The following FAIM variants were observed in gnomAD, a reference collection of about 807,000 sequenced individuals.
The protein encoded by FAIM is fas apoptotic inhibitory molecule 1.
A neutral mutation model predicts 21.2 loss-of-function variants in FAIM; 14 were observed. That is an observed-to-expected ratio of 0.66 (90% CI 0.44 to 1.03). The LOEUF (loss-of-function observed/expected upper bound fraction) is 1.03, where lower values mean the gene tolerates loss of function less well. Ranked by LOEUF, FAIM falls within the 50% of genes least tolerant of loss-of-function variation. FAIM has a pLI of 0.00. For synonymous variants in FAIM, 86 were observed against 80.4 expected, an observed-to-expected ratio of 1.07 and a Z score of -0.37; for missense variants, 222 against 247.1, an observed-to-expected ratio of 0.90 and a Z score of 0.68.
intron 2 of FAIM, among the ~76,000 whole-genome samples, chr3:138,620,495 CTTTA>C (rs769437103): frequency 1.3e-5 from 2 of 151,988 alleles, no homozygotes; most frequent in Non-Finnish European, 2.9e-5. Context: ...AACCAAAATC[CTTTA>C]TTTATTTCTT....
chr3:138,630,913 A>C (rs2042998308), intron 5 of FAIM: 1 of 152,040 alleles, frequency 6.6e-6, no homozygotes, highest in East Asian at 1.9e-4. Context: ...TGAGGCGGGC[A>C]GATTGCTTGA....
At chr3:138,614,075 C>A (rs762941398) in intron 1 of FAIM, among the ~76,000 whole-genome samples, 12 of 152,132 alleles carry the variant, frequency 7.9e-5, no homozygotes, top group Non-Finnish European at 1.5e-4. Context: ...GAGTTGGCAC[C>A]CTTGTCAAAA....
At chr3:138,609,826 C>G (rs1000271818) in intron 1 of FAIM, among the ~76,000 whole-genome samples, 2 of 152,010 alleles carry the variant, frequency 1.3e-5, no homozygotes, top group African/African-American at 4.8e-5. Context: ...TGAGCGTGAT[C>G]ATTTCTGTAG....
chr3:138,623,037 CA>C (rs371960079), intron 4 of FAIM, among the ~76,000 whole-genome samples: 1,831 of 100,962 alleles, frequency 0.018, 28 homozygotes, highest in African/African-American at 0.053. Flanking sequence ...GACTCCATCT[CA>C]AAAAAAAAAA....
At chr3:138,631,914 G>A (rs1282183543) in intron 5 of FAIM, among the ~76,000 whole-genome samples, 1 of 152,070 alleles carries the variant, frequency 6.6e-6, no homozygotes, top group Non-Finnish European at 1.5e-5. Context: ...TTCTCTCCCT[G>A]AGGCATCCTG....
At position 138,621,733 on chromosome 3, in the gene FAIM, T is replaced by C. The variant is rs538550679; in HGVS notation, c.177+194T>C. Among the ~76,000 whole-genome samples the C allele has an allele frequency of 8.5e-5, 13 of 152,334 alleles. No homozygotes were observed. In the East Asian group the frequency reaches 2.5e-3, roughly 29 times the overall value. On this transcript the variant is annotated intron_variant, in intron 3 of 5. Coordinates refer to ENST00000360570, the MANE Select transcript of FAIM (RefSeq NM_001033031.2). ...TAGCGTGTAATATTTAAACTTAAAA[T>C]GCTTTTATTTTCTAAAACCTTGGCA...
chr3:138,610,835 G>C (rs1302584100), intron 1 of FAIM: 2 of 765,534 alleles, frequency 2.6e-6, no homozygotes, highest in Non-Finnish European at 4.5e-6. Flanking sequence ...CGACCGCCTT[G>C]ACCTCCCAAA....
Position 138,629,153 on chromosome 3 carries a change from A to G in FAIM, c.453A>G (p.Thr151=). The G allele has an allele frequency of 6.2e-7, 1 of 1,610,836 alleles. No individual in the cohort carries two copies. ...GGTGCAATGGTAAAAAATTGGAGACAGCGGTAAGTTGACTATTTGATGACT... is the reference window on the plus strand; with the variant it reads ...GGTGCAATGGTAAAAAATTGGAGACGGCGGTAAGTTGACTATTTGATGACT... ...DVWCNGKKLE[T]AGEFVDDGTE... Residue 151 remains threonine (T), a synonymous_variant, in exon 5 of 6, where the codon ACA becomes ACG. Transcript: ENST00000360570.
rs374839060 is a variant in FAIM at position 138,624,000 on chromosome 3, T to G, written c.406+1584T>G. Among the ~76,000 whole-genome samples, 57 of 152,312 alleles carry G rather than the reference T, an allele frequency of 3.7e-4. No homozygotes were observed. The South Asian group carries it at 0.011, about 30-fold the overall frequency. On this transcript the variant is annotated intron_variant, in intron 4 of 5. Transcript: ENST00000360570. Reference sequence around the variant, plus strand: ...CCAGTAGCTTCTATTCTCCATTGTTTTAAATGAAAAGTTTTGTGCCAATCT... The same window carrying G: ...CCAGTAGCTTCTATTCTCCATTGTTGTAAATGAAAAGTTTTGTGCCAATCT...
chr3:138,621,570 A>G (rs911105004), intron 3 of FAIM, 31 bp downstream of exon 3: 71 of 1,597,474 alleles, frequency 4.4e-5, no homozygotes, highest in Non-Finnish European at 5.9e-5. Flanking sequence ...TTTGTAAAAT[A>G]TGATATATAG....
Position 138,620,645 on chromosome 3 carries a change from G to A in FAIM, c.45-762G>A, listed in dbSNP as rs1473534809. On this transcript the variant is annotated intron_variant, in intron 2 of 5. Coordinates refer to ENST00000360570, the MANE Select transcript of FAIM (RefSeq NM_001033031.2). ...CAAGTAGCTGGGACTCCAGGCATGC[G>A]CCATCACGTGTGACTAATATGTTTG... Among the ~76,000 whole-genome samples, 3 of 152,096 alleles carry A rather than the reference G, an allele frequency of 2.0e-5. No homozygotes were observed. In the East Asian group the frequency reaches 5.8e-4, roughly 30 times the overall value.
At chr3:138,621,384 AT>A in intron 2 of FAIM, 22 bp from the exon 3 acceptor site, 1 of 1,611,358 alleles carries the variant, frequency 6.2e-7, no homozygotes, top group African/African-American at 1.3e-5. Context: ...GCCTACTATA[AT>A]TGCTTTATTT....
chr3:138,613,286 C>T (rs2042790872), intron 1 of FAIM, among the ~76,000 whole-genome samples: 1 of 152,126 alleles, frequency 6.6e-6, no homozygotes, highest in Admixed American at 6.6e-5. Context: ...TCCCAAATTG[C>T]TGGGATTACA....
chr3:138,621,657 C>A, intron 3 of FAIM, 118 bp downstream of exon 3: 2 of 849,882 alleles, frequency 2.4e-6, no homozygotes, highest in Non-Finnish European at 3.6e-6. Flanking sequence ...TGTTTTTGAT[C>A]TGTATCATTT....
intron 1 of FAIM, among the ~76,000 whole-genome samples, chr3:138,614,173 C>G (rs1349668397): frequency 6.6e-6 from 1 of 152,192 alleles, no homozygotes; most frequent in Non-Finnish European, 1.5e-5. Context: ...GGCATGGTGG[C>G]TTATGCCTGT....
chr3:138,610,858 C>A (rs562813162), intron 1 of FAIM: 3 of 945,426 alleles, frequency 3.2e-6, no homozygotes, highest in African/African-American at 3.2e-5. Flanking sequence ...GCTGGGATTA[C>A]GGGGTGTGAG....
At chr3:138,619,671 A>C (rs368433430) in intron 1 of FAIM, 40 bp from the exon 2 acceptor site, 3 of 1,594,300 alleles carry the variant, frequency 1.9e-6, no homozygotes, top group Non-Finnish European at 1.7e-6. Context: ...CTTTGCTGCA[A>C]TTCTGCTTTT....
intron 1 of FAIM, among the ~76,000 whole-genome samples, chr3:138,617,039 C>T (rs2042832555): frequency 6.6e-6 from 1 of 151,902 alleles, no homozygotes; most frequent in African/African-American, 2.4e-5. Context: ...TTGTTGAATG[C>T]CTGAATGATT....
chr3:138,632,647 C>A (rs911734383), intron 5 of FAIM, among the ~76,000 whole-genome samples: 4 of 151,984 alleles, frequency 2.6e-5, no homozygotes, highest in African/African-American at 7.3e-5. Flanking sequence ...TCATATTTAT[C>A]ATTTTTATTT....
Sources: gnomAD v4.1 joint callset for allele counts (sites outside exome capture counted in the v4.1 genomes callset) on GRCh38, gnomAD v4.1.1 for gene constraint, MANE v1.5 for transcripts, NCBI Gene and HGNC (gene_info 2026-07-23, HGNC 2026-07-21) for gene names.